COX7B2: variants seen among roughly 807,000 people sequenced by gnomAD.
COX7B2 encodes cytochrome c oxidase subunit 7B2.
For synonymous variants in COX7B2, 37 were observed against 32.1 expected, an observed-to-expected ratio of 1.15 and a Z score of -0.51; for missense variants, 109 against 95.9, an observed-to-expected ratio of 1.14 and a Z score of -0.57.
intron 2 of COX7B2, among the ~76,000 whole-genome samples, chr4:46,740,661 A>T (rs2109398024): frequency 6.6e-6 from 1 of 152,228 alleles, no homozygotes; most frequent in African/African-American, 2.4e-5. Context: ...CCAAAAATTT[A>T]AGATGTTAGT....
intron 2 of COX7B2, among the ~76,000 whole-genome samples, chr4:46,810,313 AT>A (rs1378065910): frequency 2.0e-5 from 3 of 151,838 alleles, no homozygotes; most frequent in Admixed American, 1.3e-4. Flanking sequence ...CCATTTTGCT[AT>A]TTGTTCTCTG....
chr4:46,835,014 C>G lies in COX7B2; in HGVS notation c.-50+9946G>C, dbSNP rs77302084. 7.4e-3 allele frequency among the ~76,000 whole-genome samples: 1,121 copies of G among 152,148 alleles called. 8 individuals carry two copies. Among genetic ancestry groups the G allele is most frequent in the African/African-American group, 0.026 (1,068 of 41,504 alleles). Reference sequence around the variant, plus strand: ...CATAAAAATGGAAATATGAGTAATTCTTAAACAAGAAAAACTTTCAATCAT... The same window carrying G: ...CATAAAAATGGAAATATGAGTAATTGTTAAACAAGAAAAACTTTCAATCAT... On this transcript the variant is annotated intron_variant, in intron 2 of 2. Transcript: ENST00000355591.
At chr4:46,858,532 T>C (rs1487046911) in intron 1 of COX7B2, among the ~76,000 whole-genome samples, 1 of 152,226 alleles carries the variant, frequency 6.6e-6, no homozygotes, top group Non-Finnish European at 1.5e-5. Flanking sequence ...GGAGGAAAGA[T>C]ATAATTCTAG....
chr4:46,738,061 A>G (rs1714473197), intron 2 of COX7B2, among the ~76,000 whole-genome samples: 5 of 152,150 alleles, frequency 3.3e-5, no homozygotes, highest in Admixed American at 3.3e-4. Flanking sequence ...AGTAGGCAGA[A>G]GGTGACATCG....
intron 2 of COX7B2, among the ~76,000 whole-genome samples, chr4:46,799,054 A>G (rs1338545531): frequency 6.6e-6 from 1 of 152,182 alleles, no homozygotes; most frequent in Non-Finnish European, 1.5e-5. Context: ...CAAGGAAGTC[A>G]TACAAACTTC....
At chr4:46,888,961 A>G (rs868339004) in intron 1 of COX7B2, among the ~76,000 whole-genome samples, 31 of 152,274 alleles carry the variant, frequency 2.0e-4, no homozygotes, top group African/African-American at 3.6e-4. Context: ...TGTACATTTT[A>G]AAGTAACTAA....
chr4:46,755,769 C>A (rs948552992), intron 2 of COX7B2, among the ~76,000 whole-genome samples: 2 of 151,992 alleles, frequency 1.3e-5, no homozygotes, highest in Non-Finnish European at 1.5e-5. Flanking sequence ...GGTGAAAGAT[C>A]TCTATAAGGA....
chr4:46,890,166 T>C (rs1328291743), intron 1 of COX7B2, among the ~76,000 whole-genome samples: 1 of 152,190 alleles, frequency 6.6e-6, no homozygotes, highest in East Asian at 1.9e-4. Context: ...TTTATGTTAC[T>C]CTAGTGTCTT....
intron 1 of COX7B2, among the ~76,000 whole-genome samples, chr4:46,869,126 G>A (rs1320512018): frequency 6.6e-6 from 1 of 152,088 alleles, no homozygotes; most frequent in Admixed American, 6.6e-5. Context: ...ATTATGTAAT[G>A]CCTTTCTTTG....
At chr4:46,900,853 T>G (rs749479814) in intron 1 of COX7B2, among the ~76,000 whole-genome samples, 15 of 152,194 alleles carry the variant, frequency 9.9e-5, no homozygotes, top group Non-Finnish European at 2.2e-4. Flanking sequence ...TCCCCAGAAC[T>G]ATGCGACATA....
At chr4:46,757,768 C>T (rs1360759633) in intron 2 of COX7B2, among the ~76,000 whole-genome samples, 1 of 151,958 alleles carries the variant, frequency 6.6e-6, no homozygotes, top group Non-Finnish European at 1.5e-5. Flanking sequence ...ACAGGCATAG[C>T]TCAGGTGTGC....
At chr4:46,855,829 A>C (rs1577661959) in intron 1 of COX7B2, among the ~76,000 whole-genome samples, 1 of 152,352 alleles carries the variant, frequency 6.6e-6, no homozygotes, top group East Asian at 1.9e-4. Flanking sequence ...AACTGTTTAC[A>C]ATGAGCTTCT....
intron 2 of COX7B2, among the ~76,000 whole-genome samples, chr4:46,813,327 T>C (rs1719382049): frequency 6.6e-6 from 1 of 152,188 alleles, no homozygotes; most frequent in African/African-American, 2.4e-5. Context: ...GTGCAAATTA[T>C]CTCTTCAATA....
chr4:46,832,100 A>C (rs772187793), intron 2 of COX7B2, among the ~76,000 whole-genome samples: 19 of 152,330 alleles, frequency 1.2e-4, no homozygotes, highest in Non-Finnish European at 2.6e-4. Flanking sequence ...TGCCCCAGCC[A>C]GCAGTGGCAA....
chr4:46,764,780 C>G (rs1716428872), intron 2 of COX7B2, among the ~76,000 whole-genome samples: 1 of 151,078 alleles, frequency 6.6e-6, no homozygotes, highest in Admixed American at 6.6e-5. Flanking sequence ...ATGTAAGCTC[C>G]ATAGTAACCA....
intron 2 of COX7B2, among the ~76,000 whole-genome samples, chr4:46,819,873 A>G (rs544241543): frequency 6.6e-6 from 1 of 152,330 alleles, no homozygotes; most frequent in Admixed American, 6.5e-5. Flanking sequence ...TTGGGACTAG[A>G]CAGGGAATCC....
intron 2 of COX7B2, among the ~76,000 whole-genome samples, chr4:46,755,909 G>A (rs1715767043): frequency 6.6e-6 from 1 of 151,970 alleles, no homozygotes; most frequent in Non-Finnish European, 1.5e-5. Context: ...AAGAGTCAAT[G>A]CAATCCTTAT....
intron 1 of COX7B2, among the ~76,000 whole-genome samples, chr4:46,845,304 C>T (rs2109765091): frequency 1.3e-5 from 2 of 151,868 alleles, no homozygotes; most frequent in South Asian, 4.1e-4. Context: ...CTTTTTTATA[C>T]CAGCTACCTT....
chr4:46,771,593 C>A (rs1170731157), intron 2 of COX7B2, among the ~76,000 whole-genome samples: 1 of 151,612 alleles, frequency 6.6e-6, no homozygotes, highest in Non-Finnish European at 1.5e-5. Flanking sequence ...TTTGAGTATC[C>A]CTAATCTGAA....
Sources: allele counts gnomAD v4.1 joint callset (sites outside exome capture counted in the v4.1 genomes callset), GRCh38; gene constraint gnomAD v4.1.1; transcripts MANE v1.5; gene names NCBI Gene and HGNC (gene_info 2026-07-23, HGNC 2026-07-21).